Variants in SLC24A2 observed in about 807,000 individuals in gnomAD.
The protein encoded by SLC24A2 is sodium/potassium/calcium exchanger 2.
A neutral mutation model predicts 62.0 loss-of-function variants in SLC24A2; 36 were observed. The ratio of observed to expected loss-of-function variants is 0.58; its 90% CI spans 0.44 to 0.77. The LOEUF (loss-of-function observed/expected upper bound fraction) is 0.77, where lower values mean the gene tolerates loss of function less well. SLC24A2 is among the 30% of genes least tolerant of loss of function. The pLI, the probability that SLC24A2 is intolerant of heterozygous loss-of-function variation, is 0.00. For missense variants in SLC24A2, 846 were observed against 817.9 expected (o/e 1.03, Z -0.42); for synonymous variants, 358 against 294.0 (o/e 1.22, Z -2.23).
chr9:20,304,717 T>C, the SLC24A2 span, among the ~76,000 whole-genome samples: 1 of 152,354 alleles, frequency 6.6e-6, no homozygotes, highest in African/African-American at 2.4e-5. Flanking sequence ...ACAATCCTTA[T>C]ATAAAATGAG....
At chr9:20,250,601 G>A in the SLC24A2 span, among the ~76,000 whole-genome samples, 1 of 152,192 alleles carries the variant, frequency 6.6e-6, no homozygotes, top group Admixed American at 6.5e-5. Context: ...GGGAATGTCA[G>A]TACCCATGCA....
At chr9:19,605,011 G>A (rs1466981961) in intron 4 of SLC24A2, among the ~76,000 whole-genome samples, 1 of 152,176 alleles carries the variant, frequency 6.6e-6, no homozygotes, top group African/African-American at 2.4e-5. Flanking sequence ...ATACTAGACT[G>A]TATAAGTGGG....
upstream of SLC24A2, among the ~76,000 whole-genome samples, chr9:19,793,736 T>C (rs1250953248): frequency 1.3e-5 from 2 of 152,192 alleles, no homozygotes; most frequent in East Asian, 1.9e-4. Context: ...CGAGTTCTAC[T>C]ATTCCTCATA....
intron 10 of SLC24A2, among the ~76,000 whole-genome samples, chr9:19,517,955 A>T (rs926659383): frequency 2.1e-4 from 29 of 139,648 alleles, no homozygotes; most frequent in African/African-American, 5.6e-4. Flanking sequence ...ACACACACAC[A>T]CACTCTCACA....
chr9:19,636,331 C>CTTTCTTTCTTTCTTTCTTTCTTTG (rs1818339458), intron 2 of SLC24A2, among the ~76,000 whole-genome samples: 3 of 19,614 alleles, frequency 1.5e-4, no homozygotes, highest in Admixed American at 9.5e-4. Flanking sequence ...TTCTTTCTTT[C>CTTTCTTTCTTTCTTTCTTTCTTTG]TTTCTTTCTT....
the SLC24A2 span, among the ~76,000 whole-genome samples, chr9:19,883,801 G>T: frequency 0.072 from 10,881 of 151,998 alleles, 1,118 homozygotes; most frequent in African/African-American, 0.23. Context: ...TCCTGACCTC[G>T]TGATCCGCCC....
chr9:20,271,833 T>TA, the SLC24A2 span, among the ~76,000 whole-genome samples: 1 of 152,172 alleles, frequency 6.6e-6, no homozygotes. Context: ...GAAATTCAAC[T>TA]AAAAAATAAA....
chr9:19,795,916 T>C, the SLC24A2 span, among the ~76,000 whole-genome samples: 1 of 143,894 alleles, frequency 6.9e-6, no homozygotes, highest in Non-Finnish European at 1.5e-5. Context: ...GTGGCACATA[T>C]ACACCATGGA....
the SLC24A2 span, among the ~76,000 whole-genome samples, chr9:19,887,891 G>A: frequency 3.9e-5 from 6 of 152,190 alleles, no homozygotes; most frequent in African/African-American, 1.4e-4. Context: ...ATTAAGTGAA[G>A]TAACTCAGGA....
intron 2 of SLC24A2, among the ~76,000 whole-genome samples, chr9:19,654,421 C>T (rs1818885283): frequency 6.6e-6 from 1 of 152,192 alleles, no homozygotes; most frequent in Admixed American, 6.5e-5. Flanking sequence ...TGACTTTTGA[C>T]CACCTGGAGA....
intron 2 of SLC24A2, among the ~76,000 whole-genome samples, chr9:19,652,608 C>A (rs1194754093): frequency 6.6e-6 from 1 of 151,376 alleles, no homozygotes; most frequent in African/African-American, 2.5e-5. Flanking sequence ...CTGCAGCTTC[C>A]AGAAACACAC....
chr9:20,125,669 A>G, the SLC24A2 span, among the ~76,000 whole-genome samples: 3 of 152,110 alleles, frequency 2.0e-5, no homozygotes, highest in Non-Finnish European at 4.4e-5. Flanking sequence ...CTTGTGGCCT[A>G]GACTATCTCT....
At chr9:19,585,239 T>G (rs1284940455) in intron 5 of SLC24A2, among the ~76,000 whole-genome samples, 2 of 152,256 alleles carry the variant, frequency 1.3e-5, no homozygotes, top group Admixed American at 6.5e-5. Context: ...AGTATTCAAT[T>G]ATTTATTTAC....
At chr9:19,568,192 G>C (rs889773503) in intron 7 of SLC24A2, among the ~76,000 whole-genome samples, 1 of 152,156 alleles carries the variant, frequency 6.6e-6, no homozygotes, top group Non-Finnish European at 1.5e-5. Context: ...CTGTGCTTCA[G>C]GTGGCCTGAT....
At chr9:19,773,518 C>T (rs1822752502) in intron 2 of SLC24A2, among the ~76,000 whole-genome samples, 1 of 152,110 alleles carries the variant, frequency 6.6e-6, no homozygotes, top group African/African-American at 2.4e-5. Flanking sequence ...GGAAATTAGT[C>T]ATTTGCTGCT....
At chr9:19,580,603 C>G (rs149639112) in intron 5 of SLC24A2, among the ~76,000 whole-genome samples, 187 of 152,330 alleles carry the variant, frequency 1.2e-3, no homozygotes, top group African/African-American at 4.2e-3. Flanking sequence ...TGTTCATTCC[C>G]AAGTCACAAA....
the SLC24A2 span, among the ~76,000 whole-genome samples, chr9:20,062,106 G>T: frequency 6.6e-6 from 1 of 152,154 alleles, no homozygotes; most frequent in African/African-American, 2.4e-5. Context: ...GCACATGCCT[G>T]TAGTCTTAGC....
At chr9:20,237,579 C>T in the SLC24A2 span, among the ~76,000 whole-genome samples, 8 of 152,284 alleles carry the variant, frequency 5.3e-5, no homozygotes, top group East Asian at 1.4e-3. Context: ...AGCACACTGG[C>T]GTGCCATCTG....
the SLC24A2 span, among the ~76,000 whole-genome samples, chr9:20,100,213 G>GT: frequency 6.0e-5 from 9 of 151,146 alleles, no homozygotes; most frequent in African/African-American, 1.2e-4. Flanking sequence ...TGTTTTTTTT[G>GT]TTTTTTTGTT....
Sources: gnomAD v4.1 joint callset for allele counts (sites outside exome capture counted in the v4.1 genomes callset) on GRCh38, gnomAD v4.1.1 for gene constraint, MANE v1.5 for transcripts, NCBI Gene and HGNC (gene_info 2026-07-23, HGNC 2026-07-21) for gene names.